TENM3: variants seen among roughly 807,000 people sequenced by gnomAD.
TENM3 encodes teneurin-3.
In TENM3, 63 loss-of-function variants were observed where a neutral mutation model predicts 255.1. That is an observed-to-expected ratio of 0.25 (90% CI 0.20 to 0.30). The LOEUF (loss-of-function observed/expected upper bound fraction) is 0.30, where lower values mean the gene tolerates loss of function less well. Among genes scored for constraint, TENM3 ranks in the 10% least tolerant of loss-of-function variants. The pLI, the probability that TENM3 is intolerant of heterozygous loss-of-function variation, is 1.00. For missense variants in TENM3, 2,929 were observed against 3,461.1 expected (o/e 0.85, Z 3.86); for synonymous variants, 1,306 against 1,322.3 (o/e 0.99, Z 0.27).
At chr4:181,890,971 T>G in the TENM3 span, among the ~76,000 whole-genome samples, 11 of 152,316 alleles carry the variant, frequency 7.2e-5, no homozygotes, top group Non-Finnish European at 1.6e-4. Flanking sequence ...CTTACCCCAG[T>G]TCAGTTCTAA....
At chr4:182,354,769 G>T (rs954146547) in intron 3 of TENM3, among the ~76,000 whole-genome samples, 9 of 152,108 alleles carry the variant, frequency 5.9e-5, no homozygotes, top group African/African-American at 2.2e-4. Flanking sequence ...ATGTTAAAAT[G>T]GATAGAAATG....
chr4:182,662,389 T>C (rs1214169386), intron 6 of TENM3, among the ~76,000 whole-genome samples: 2 of 152,234 alleles, frequency 1.3e-5, no homozygotes, highest in African/African-American at 2.4e-5. Flanking sequence ...TGATACCCTA[T>C]TGTGTTTGAA....
intron 2 of TENM3, among the ~76,000 whole-genome samples, chr4:182,334,131 G>A (rs1001484657): frequency 6.6e-5 from 10 of 151,464 alleles, no homozygotes; most frequent in African/African-American, 9.7e-5. Flanking sequence ...AATAATGCCT[G>A]ATACCTGTTA....
the TENM3 span, among the ~76,000 whole-genome samples, chr4:181,949,609 T>A: frequency 6.6e-6 from 1 of 152,170 alleles, no homozygotes; most frequent in Non-Finnish European, 1.5e-5. Flanking sequence ...TGGACCCTAT[T>A]CCTCCGCATG....
At chr4:182,183,264 G>T (rs547265420) in intron 1 of TENM3, among the ~76,000 whole-genome samples, 1 of 152,074 alleles carries the variant, frequency 6.6e-6, no homozygotes, top group Non-Finnish European at 1.5e-5. Flanking sequence ...CAATAGAACT[G>T]CATTTGAGAA....
the TENM3 span, among the ~76,000 whole-genome samples, chr4:182,037,084 T>G: frequency 1.3e-5 from 2 of 152,024 alleles, no homozygotes; most frequent in African/African-American, 4.8e-5. Flanking sequence ...TCTATATAGA[T>G]GTACTCTCAT....
chr4:181,708,094 G>A, the TENM3 span, among the ~76,000 whole-genome samples: 6 of 152,096 alleles, frequency 3.9e-5, no homozygotes, highest in Non-Finnish European at 8.8e-5. Flanking sequence ...GTATATTAAA[G>A]TGGGTGAAAA....
the TENM3 span, among the ~76,000 whole-genome samples, chr4:181,771,677 T>G: frequency 7.9e-5 from 12 of 152,232 alleles, no homozygotes. Context: ...AAAACTTCAG[T>G]GTACACACAA....
chr4:182,769,429 GAA>G (rs60448131), intron 22 of TENM3, among the ~76,000 whole-genome samples: 9 of 143,016 alleles, frequency 6.3e-5, no homozygotes, highest in African/African-American at 1.5e-4. Context: ...GCACTGAAAT[GAA>G]AAAAAAAAAA....
At chr4:182,304,259 C>G (rs1446467000) in intron 1 of TENM3, among the ~76,000 whole-genome samples, 2 of 152,026 alleles carry the variant, frequency 1.3e-5, no homozygotes, top group African/African-American at 2.4e-5. Context: ...GTTGCCCAGG[C>G]TGGAGTGCAG....
At chr4:181,569,399 G>A in the TENM3 span, among the ~76,000 whole-genome samples, 17 of 152,304 alleles carry the variant, frequency 1.1e-4, no homozygotes, top group Middle Eastern at 3.4e-3. Context: ...TGTTGAAAGT[G>A]TTGTGCCTTT....
the TENM3 span, among the ~76,000 whole-genome samples, chr4:181,562,721 G>A: frequency 1.3e-5 from 2 of 149,684 alleles, no homozygotes; most frequent in East Asian, 3.9e-4. Context: ...TTGTCACCCA[G>A]GCTAGAGCAG....
chr4:181,641,472 T>G, the TENM3 span, among the ~76,000 whole-genome samples: 4 of 145,624 alleles, frequency 2.7e-5, no homozygotes, highest in African/African-American at 1.0e-4. Context: ...CTGAGAATGA[T>G]GGTTTCCAGC....
chr4:182,485,301 G>T (rs1235725944), intron 3 of TENM3, among the ~76,000 whole-genome samples: 1 of 152,098 alleles, frequency 6.6e-6, no homozygotes, highest in African/African-American at 2.4e-5. Context: ...AATTTTAAAA[G>T]AGTGACAGAG....
intron 1 of TENM3, among the ~76,000 whole-genome samples, chr4:182,150,840 C>T (rs1367064364): frequency 1.3e-5 from 2 of 152,114 alleles, no homozygotes; most frequent in Non-Finnish European, 2.9e-5. Flanking sequence ...TGTCTTCCTT[C>T]AGTCCGATTC....
the TENM3 span, among the ~76,000 whole-genome samples, chr4:181,853,419 C>T: frequency 2.0e-5 from 3 of 152,080 alleles, no homozygotes; most frequent in Non-Finnish European, 4.4e-5. Context: ...AACCATGTTC[C>T]GTGAAAATAT....
the TENM3 span, among the ~76,000 whole-genome samples, chr4:181,550,535 T>C: frequency 6.6e-6 from 1 of 152,160 alleles, no homozygotes; most frequent in Admixed American, 6.5e-5. Flanking sequence ...TGCTTGTTGC[T>C]CAGGTCCAGT....
chr4:182,606,064 T>C (rs1748389181), intron 4 of TENM3, among the ~76,000 whole-genome samples: 1 of 152,218 alleles, frequency 6.6e-6, no homozygotes, highest in African/African-American at 2.4e-5. Flanking sequence ...TTCTAATAGT[T>C]TCTATTGCTA....
chr4:182,278,317 A>C (rs535897047), intron 1 of TENM3, among the ~76,000 whole-genome samples: 7 of 152,230 alleles, frequency 4.6e-5, no homozygotes, highest in African/African-American at 1.7e-4. Flanking sequence ...CGGTGAGCCG[A>C]GGTCTAGTCA....
Sources: allele counts gnomAD v4.1 joint callset (sites outside exome capture counted in the v4.1 genomes callset), GRCh38; gene constraint gnomAD v4.1.1; transcripts MANE v1.5; gene names NCBI Gene and HGNC (gene_info 2026-07-23, HGNC 2026-07-21).